PDZRN4: variants seen among roughly 807,000 people sequenced by gnomAD.
PDZRN4 encodes PDZ domain containing ring finger 4.
Under a neutral mutation model 99.0 loss-of-function variants are expected in PDZRN4, and 70 were observed. The ratio of observed to expected loss-of-function variants is 0.71; its 90% CI spans 0.58 to 0.86. PDZRN4 has a LOEUF of 0.86. Ranked by LOEUF, PDZRN4 falls within the 40% of genes least tolerant of loss-of-function variation. The pLI is 0.00. For synonymous variants in PDZRN4, 551 were observed against 501.6 expected (o/e 1.10, Z -1.32); for missense variants, 1,474 against 1,331.2 (o/e 1.11, Z -1.67).
chr12:41,236,751 T>C (rs1199972828), intron 3 of PDZRN4, among the ~76,000 whole-genome samples: 1 of 151,582 alleles, frequency 6.6e-6, no homozygotes, highest in African/African-American at 2.4e-5. Context: ...TAGATCTTAA[T>C]TTTTTCTTCC....
In PDZRN4 at chr12:41,555,768, G is replaced by A. The variant is rs1939149361; in HGVS notation, c.1365+8G>A. ...GGGGATCGGATTTTGCAAGTAGGTGGTATAGTAATTTCCTTTAGTTCCCCA... is the reference window on the plus strand; with the variant it reads ...GGGGATCGGATTTTGCAAGTAGGTGATATAGTAATTTCCTTTAGTTCCCCA... On this transcript the variant is annotated splice_region_variant and intron_variant, in intron 7 of 9. Transcript: ENST00000402685. The A allele has an allele frequency of 4.3e-6, 7 of 1,610,616 alleles. No homozygotes were observed. Among genetic ancestry groups the A allele is most frequent in the Non-Finnish European group, 5.9e-6 (7 of 1,177,094 alleles).
chr12:41,374,163 G>GCATTTCAT (rs72206742), intron 3 of PDZRN4, among the ~76,000 whole-genome samples: 20 of 151,958 alleles, frequency 1.3e-4, no homozygotes, highest in African/African-American at 4.6e-4. Context: ...AAATGCCTGA[G>GCATTTCAT]GTACATGAAC....
intron 3 of PDZRN4, among the ~76,000 whole-genome samples, chr12:41,371,938 C>T (rs1306839667): frequency 6.6e-6 from 1 of 152,022 alleles, no homozygotes; most frequent in Non-Finnish European, 1.5e-5. Context: ...AGTACACTTT[C>T]CCTAGTTTAT....
intron 1 of PDZRN4, among the ~76,000 whole-genome samples, chr12:41,190,223 A>G (rs1274679400): frequency 6.6e-6 from 1 of 152,210 alleles, no homozygotes; most frequent in African/African-American, 2.4e-5. Context: ...TCTTGAACGT[A>G]AAAGAGAAAA....
intron 3 of PDZRN4, among the ~76,000 whole-genome samples, chr12:41,417,435 G>C (rs1565577669): frequency 6.6e-6 from 1 of 152,054 alleles, no homozygotes; most frequent in Non-Finnish European, 1.5e-5. Flanking sequence ...ATATGATGAT[G>C]TTCTTCCTTA....
intron 5 of PDZRN4, among the ~76,000 whole-genome samples, chr12:41,533,047 A>G (rs1434949721): frequency 6.6e-6 from 1 of 152,150 alleles, no homozygotes; most frequent in Non-Finnish European, 1.5e-5. Context: ...ATCAATTACC[A>G]TTATGTTAAT....
chr12:41,269,331 T>C (rs1483905483), intron 3 of PDZRN4, among the ~76,000 whole-genome samples: 1 of 152,162 alleles, frequency 6.6e-6, no homozygotes, highest in Non-Finnish European at 1.5e-5. Context: ...GAAAGCTATA[T>C]AGAAATTTGA....
At chr12:41,365,936 A>G (rs1441747810) in intron 3 of PDZRN4, among the ~76,000 whole-genome samples, 2 of 152,120 alleles carry the variant, frequency 1.3e-5, no homozygotes, top group Non-Finnish European at 2.9e-5. Context: ...TGAAATAGCC[A>G]ATTACTGAAA....
chr12:41,572,276 G>A (rs1939495092), intron 9 of PDZRN4, 88 bp from the exon 10 acceptor site: 3 of 1,140,444 alleles, frequency 2.6e-6, no homozygotes, highest in East Asian at 2.6e-5. Context: ...ACTTTGCCAG[G>A]AAACATTGGT....
chr12:41,509,583 CATAG>C, intron 4 of PDZRN4: 1 of 327,494 alleles, frequency 3.1e-6, no homozygotes, highest in Non-Finnish European at 5.6e-6. Context: ...CAACTCTGAC[CATAG>C]GCCCTTATTC....
At chr12:41,324,868 T>A (rs925512568) in intron 3 of PDZRN4, among the ~76,000 whole-genome samples, 1 of 152,134 alleles carries the variant, frequency 6.6e-6, no homozygotes, top group Non-Finnish European at 1.5e-5. Context: ...TGGAGTTAAA[T>A]AAAATATATT....
At chr12:41,409,227 C>G (rs900345530) in intron 3 of PDZRN4, among the ~76,000 whole-genome samples, 2 of 152,028 alleles carry the variant, frequency 1.3e-5, no homozygotes, top group African/African-American at 2.4e-5. Context: ...CCTCTTATTT[C>G]TAGATTTTTT....
At chr12:41,286,812 A>G (rs185565368) in intron 3 of PDZRN4, among the ~76,000 whole-genome samples, 59 of 152,276 alleles carry the variant, frequency 3.9e-4, no homozygotes, top group Admixed American at 3.9e-3. Context: ...ATGTATTATG[A>G]CACACACCCC....
intron 3 of PDZRN4, among the ~76,000 whole-genome samples, chr12:41,254,651 G>C (rs1030610645): frequency 2.6e-5 from 4 of 152,370 alleles, no homozygotes; most frequent in South Asian, 4.1e-4. Flanking sequence ...CAGATCCTCT[G>C]CAGTCCCAAG....
chr12:41,304,802 G>A (rs1236802599), intron 3 of PDZRN4, among the ~76,000 whole-genome samples: 1 of 152,210 alleles, frequency 6.6e-6, no homozygotes, highest in East Asian at 1.9e-4. Context: ...AGCACAGAAT[G>A]CATGACATTG....
chr12:41,531,837 C>T (rs1436320358), intron 5 of PDZRN4, among the ~76,000 whole-genome samples: 1 of 152,088 alleles, frequency 6.6e-6, no homozygotes, highest in Non-Finnish European at 1.5e-5. Context: ...TTAAAATCAA[C>T]TCTTCATGTG....
chr12:41,442,632 C>A lies in PDZRN4; in HGVS notation c.844-63824C>A, dbSNP rs183743928. On this transcript the variant is annotated intron_variant, in intron 3 of 9. Transcript: ENST00000402685. ...CTCTGTCTTCCTCTCTACTTTATAT[C>A]TAACAGCTGATTAAACCAGGGACAA... Among the ~76,000 whole-genome samples, 12 of 152,302 alleles carry A rather than the reference C, an allele frequency of 7.9e-5. No homozygotes were observed. The South Asian group carries it at 2.1e-3, about 26-fold the overall frequency.
intron 5 of PDZRN4, among the ~76,000 whole-genome samples, chr12:41,511,941 C>T (rs1282730208): frequency 6.6e-6 from 1 of 152,100 alleles, no homozygotes; most frequent in African/African-American, 2.4e-5. Flanking sequence ...GCTGAGATGA[C>T]CCTAGCTCCT....
At chr12:41,515,106 CTGTCTCTGTCCATTCAGAGA>C (rs931408834) in intron 5 of PDZRN4, among the ~76,000 whole-genome samples, 7 of 152,068 alleles carry the variant, frequency 4.6e-5, no homozygotes, top group African/African-American at 1.7e-4. Flanking sequence ...CCAGCGGGGG[CTGTCTCTGTCCATTCAGAGA>C]TGGCTCTGTC....
Sources: gnomAD v4.1 joint callset for allele counts (sites outside exome capture counted in the v4.1 genomes callset) on GRCh38, gnomAD v4.1.1 for gene constraint, MANE v1.5 for transcripts, NCBI Gene and HGNC (gene_info 2026-07-23, HGNC 2026-07-21) for gene names.